CC2D2A: variants seen among roughly 807,000 people sequenced by gnomAD.
CC2D2A encodes the protein coiled-coil and C2 domain containing 2A.
CC2D2A carries 155 observed loss-of-function variants against 212.9 expected under a neutral mutation model. The ratio of observed to expected loss-of-function variants is 0.73; its 90% CI spans 0.64 to 0.83. The LOEUF (loss-of-function observed/expected upper bound fraction) is 0.83, where lower values mean the gene tolerates loss of function less well. CC2D2A is among the 40% of genes least tolerant of loss of function. The pLI is 0.00. For synonymous variants in CC2D2A, 667 were observed against 686.5 expected (o/e 0.97, Z 0.44); for missense variants, 1,856 against 1,956.2 (o/e 0.95, Z 0.97).
chr4:15,477,799 C>A (rs551557659), intron 2 of CC2D2A, among the ~76,000 whole-genome samples: 1 of 152,144 alleles, frequency 6.6e-6, no homozygotes, highest in African/African-American at 2.4e-5. Context: ...TCTGTTATTG[C>A]GGTTCATGTC....
chr4:15,521,382 CATTGT>C (rs1486004734), intron 11 of CC2D2A, among the ~76,000 whole-genome samples: 1 of 152,122 alleles, frequency 6.6e-6, no homozygotes, highest in Non-Finnish European at 1.5e-5. Context: ...ACATTTTTAT[CATTGT>C]ATTTATTTAC....
intron 4 of CC2D2A, among the ~76,000 whole-genome samples, chr4:15,498,962 T>G (rs1715770645): frequency 6.6e-6 from 1 of 152,230 alleles, no homozygotes; most frequent in Non-Finnish European, 1.5e-5. Context: ...TCTCAGCTGG[T>G]CACAGTCTGG....
intron 13 of CC2D2A, among the ~76,000 whole-genome samples, chr4:15,532,192 G>A (rs1334709862): frequency 2.0e-5 from 3 of 152,152 alleles, no homozygotes; most frequent in Non-Finnish European, 2.9e-5. Context: ...TCTTATTCTA[G>A]TTTGTTGCTT....
intron 33 of CC2D2A, among the ~76,000 whole-genome samples, chr4:15,595,136 A>AT (rs1721265502): frequency 6.6e-6 from 1 of 152,110 alleles, no homozygotes; most frequent in African/African-American, 2.4e-5. Flanking sequence ...ATCTTTTCTT[A>AT]TTAGATACTC....
chr4:15,474,142 T>G (rs897221102), intron 1 of CC2D2A, among the ~76,000 whole-genome samples: 1 of 152,090 alleles, frequency 6.6e-6, no homozygotes, highest in Non-Finnish European at 1.5e-5. Flanking sequence ...CTATCTTTGG[T>G]GGTCTGAGAG....
At chr4:15,596,983 T>G in intron 34 of CC2D2A, among the ~76,000 whole-genome samples, 1 of 152,070 alleles carries the variant, frequency 6.6e-6, no homozygotes, top group East Asian at 1.9e-4. Context: ...ATAAAACAAT[T>G]ACGTAAAGTT....
intron 11 of CC2D2A, among the ~76,000 whole-genome samples, chr4:15,522,827 T>C (rs1717287415): frequency 6.6e-6 from 1 of 152,052 alleles, no homozygotes; most frequent in African/African-American, 2.4e-5. Context: ...GTTAAAGTTG[T>C]TGAAAAGCAG....
intron 8 of CC2D2A, 198 bp downstream of exon 8, chr4:15,511,621 A>G (rs1170315946): frequency 2.4e-6 from 1 of 408,938 alleles, no homozygotes; most frequent in Non-Finnish European, 4.3e-6. Context: ...ATGTGGTAGG[A>G]AGAACCTTGA....
At chr4:15,472,132 A>C (rs1713871017) in intron 1 of CC2D2A, among the ~76,000 whole-genome samples, 1 of 152,150 alleles carries the variant, frequency 6.6e-6, no homozygotes. Flanking sequence ...GGTAGAGTGG[A>C]GTGAGGGAGG....
At chr4:15,596,258 A>G in intron 34 of CC2D2A, 51 bp downstream of exon 34, 9 of 1,434,030 alleles carry the variant, frequency 6.3e-6, no homozygotes, top group Non-Finnish European at 8.3e-6. Flanking sequence ...AAGATAGGAA[A>G]TTATACTGGG....
intron 14 of CC2D2A, among the ~76,000 whole-genome samples, chr4:15,534,726 G>A (rs947974483): frequency 3.3e-5 from 5 of 152,016 alleles, no homozygotes; most frequent in Non-Finnish European, 5.9e-5. Context: ...GCTACAAATT[G>A]TAAGTTTTCT....
intron 13 of CC2D2A, 26 bp from the exon 14 acceptor site, chr4:15,533,167 T>C (rs1717939005): frequency 1.3e-6 from 2 of 1,555,110 alleles, no homozygotes; most frequent in African/African-American, 2.8e-5. Context: ...TTTTAATATA[T>C]ACTCATGTGT....
chr4:15,507,724 A>G (rs1716342912), intron 6 of CC2D2A, among the ~76,000 whole-genome samples: 1 of 152,240 alleles, frequency 6.6e-6, no homozygotes, highest in African/African-American at 2.4e-5. Flanking sequence ...TTTAGCAAGT[A>G]GAAAATGATT....
chr4:15,579,490 G>A (rs551946714), intron 29 of CC2D2A, among the ~76,000 whole-genome samples: 1 of 152,202 alleles, frequency 6.6e-6, no homozygotes, highest in Non-Finnish European at 1.5e-5. Flanking sequence ...TTATGGACTT[G>A]AAACATTTTA....
chr4:15,596,089 G>A lies in CC2D2A; in HGVS notation c.4319G>A (p.Trp1440Ter). Reference sequence around the variant, plus strand: ...ATGTAGTCTTGTCTTTCTTAGATTTGGTTTAATATTCAACGATATGAATCT... The same window carrying A: ...ATGTAGTCTTGTCTTTCTTAGATTTAGTTTAATATTCAACGATATGAATCT... ...VGCLIGPDNIWFNIQRYESPL... is the reference protein window; with the variant it reads ...VGCLIGPDNI Residue 1440 changes from tryptophan (W) to a stop codon, truncating the protein, a stop_gained, in exon 34 of 37, where the codon TGG becomes TAG. Coordinates refer to ENST00000424120, the MANE Select transcript of CC2D2A (RefSeq NM_001378615.1). LOFTEE classifies it high-confidence loss of function. 1 of 1,544,378 alleles carries A rather than the reference G, an allele frequency of 6.5e-7. No individual in the cohort carries two copies. Among genetic ancestry groups the A allele is most frequent in the Non-Finnish European group, 8.8e-7 (1 of 1,142,810 alleles).
intron 11 of CC2D2A, among the ~76,000 whole-genome samples, chr4:15,526,275 C>T (rs1377435118): frequency 1.3e-5 from 1 of 76,826 alleles, no homozygotes; most frequent in Non-Finnish European, 3.9e-5. Context: ...TAGTGATCTA[C>T]GAAATGCTAA....
chr4:15,510,659 G>GA (rs1716520327), intron 7 of CC2D2A, among the ~76,000 whole-genome samples: 1 of 152,122 alleles, frequency 6.6e-6, no homozygotes, highest in Admixed American at 6.6e-5. Flanking sequence ...CAGTTTGCAA[G>GA]AAAAAAGTAT....
intron 29 of CC2D2A, chr4:15,576,211 A>C (rs1720397555): frequency 6.2e-6 from 1 of 161,458 alleles, no homozygotes; most frequent in Admixed American, 6.5e-5. Context: ...TTTGATAAGG[A>C]AGGCATGTTG....
intron 29 of CC2D2A, 101 bp downstream of exon 29, chr4:15,574,427 C>T: frequency 1.3e-6 from 1 of 797,282 alleles, no homozygotes; most frequent in Non-Finnish European, 1.9e-6. Context: ...CAAACAGAGC[C>T]TTCCTTACTT....
Sources: allele counts gnomAD v4.1 joint callset (sites outside exome capture counted in the v4.1 genomes callset), GRCh38; gene constraint gnomAD v4.1.1; transcripts MANE v1.5; gene names NCBI Gene and HGNC (gene_info 2026-07-23, HGNC 2026-07-21).